Variants in KLF8 observed in about 807,000 individuals in gnomAD.
KLF8 encodes the protein KLF transcription factor 8.
KLF8 carries 10 observed loss-of-function variants against 18.2 expected under a neutral mutation model. The ratio of observed to expected loss-of-function variants is 0.55; its 90% CI spans 0.34 to 0.93. The LOEUF (loss-of-function observed/expected upper bound fraction) is 0.93. Ranked by LOEUF, KLF8 falls within the 40% of genes least tolerant of loss-of-function variation. KLF8 has a pLI of 0.02. For synonymous variants in KLF8, 109 were observed against 97.3 expected (o/e 1.12, Z -0.71); for missense variants, 264 against 277.9 (o/e 0.95, Z 0.36).
At chrX:56,188,407 G>C in the KLF8 span, among the ~76,000 whole-genome samples, 1 of 111,696 alleles carries the variant, frequency 9.0e-6, no homozygotes, top group African/African-American at 3.3e-5. Flanking sequence ...CATGATCATG[G>C]GTAGGAAGAA....
At chrX:56,031,584 C>A in the KLF8 span, among the ~76,000 whole-genome samples, 4 of 111,874 alleles carry the variant, frequency 3.6e-5, no homozygotes, top group East Asian at 5.6e-4. Context: ...TACCCGGGAG[C>A]GCTCTTTGGA....
At chrX:55,979,491 A>G in the KLF8 span, among the ~76,000 whole-genome samples, 1 of 112,108 alleles carries the variant, frequency 8.9e-6, no homozygotes, top group Non-Finnish European at 1.9e-5. Flanking sequence ...GGGAAATATA[A>G]AAAGGGAGGA....
the KLF8 span, among the ~76,000 whole-genome samples, chrX:56,163,046 A>G: frequency 8.9e-6 from 1 of 112,479 alleles, no homozygotes; most frequent in Non-Finnish European, 1.9e-5. Context: ...ATAGTGCTGC[A>G]GTAAACACAT....
chrX:55,913,069 T>C, the KLF8 span, among the ~76,000 whole-genome samples: 1 of 111,922 alleles, frequency 8.9e-6, no homozygotes, highest in Non-Finnish European at 1.9e-5. Flanking sequence ...TTCTTTGAAC[T>C]CATTTAAATT....
the KLF8 span, among the ~76,000 whole-genome samples, chrX:55,984,153 A>G: frequency 1.4e-3 from 156 of 109,705 alleles, 1 homozygote; most frequent in Middle Eastern, 0.019. Context: ...TCTGGGCTAC[A>G]TGTGCAGGAT....
the KLF8 span, among the ~76,000 whole-genome samples, chrX:56,173,353 G>C: frequency 8.9e-6 from 1 of 112,002 alleles, no homozygotes; most frequent in East Asian, 2.8e-4. Flanking sequence ...TTGTTAAATA[G>C]GGAATTGTTT....
chrX:56,057,728 G>A, the KLF8 span, among the ~76,000 whole-genome samples: 2 of 111,170 alleles, frequency 1.8e-5, no homozygotes, highest in Non-Finnish European at 3.8e-5. Flanking sequence ...GCAGAGTTAA[G>A]GTTCAATAGT....
chrX:56,201,329 G>C, the KLF8 span, among the ~76,000 whole-genome samples: 67 of 111,781 alleles, frequency 6.0e-4, no homozygotes, highest in African/African-American at 2.0e-3. Flanking sequence ...GGAGCTGGAG[G>C]ATAAGATGCT....
chrX:56,233,150 T>C lies in KLF8; in HGVS notation c.-185T>C. ...CCCTCCCCTTTCGACCCCCTCCTCA[T>C]TTTCCAGCCCGGAGAAATAGGGGAG... On this transcript the variant is annotated 5_prime_UTR_variant, in exon 1 of 6. Transcript: ENST00000468660. 5.9e-6 allele frequency: 3 copies of C among 509,520 alleles called. No homozygotes were observed. The highest frequency in any genetic ancestry group is 5.9e-5 in the Admixed American group (2 of 33,900). The allele number at this position is 509,520 out of a possible 1,213,427, so 42.0% of individuals were successfully genotyped here. A position where few individuals can be genotyped will look rare whatever the true frequency, so the allele number is the denominator to read the frequency against.
the KLF8 span, among the ~76,000 whole-genome samples, chrX:56,187,173 A>C: frequency 1.8e-5 from 2 of 111,936 alleles, no homozygotes; most frequent in Non-Finnish European, 3.8e-5. Flanking sequence ...AGACGCAATA[A>C]AAAATGATAA....
intron 1 of KLF8, among the ~76,000 whole-genome samples, chrX:56,235,880 C>T (rs180900388): frequency 8.9e-6 from 1 of 112,067 alleles, no homozygotes; most frequent in African/African-American, 3.2e-5. Context: ...GTTGCGGTCT[C>T]ATCATTTTTG....
At chrX:56,135,667 T>C in the KLF8 span, among the ~76,000 whole-genome samples, 1 of 110,442 alleles carries the variant, frequency 9.1e-6, no homozygotes, top group Non-Finnish European at 1.9e-5. Flanking sequence ...AACCTGCACA[T>C]TGTGCACATG....
the KLF8 span, among the ~76,000 whole-genome samples, chrX:56,058,013 G>A: frequency 1.3e-4 from 13 of 103,754 alleles, 1 homozygote; most frequent in East Asian, 4.1e-3. Context: ...AGTTACTGGC[G>A]GCCAGGAACA....
chrX:55,960,875 T>A, the KLF8 span, among the ~76,000 whole-genome samples: 2 of 111,292 alleles, frequency 1.8e-5, no homozygotes, highest in Non-Finnish European at 3.8e-5. Flanking sequence ...AATGCCCAAC[T>A]TAAAAGGCAC....
the KLF8 span, among the ~76,000 whole-genome samples, chrX:56,188,863 A>C: frequency 2.7e-5 from 3 of 112,302 alleles, no homozygotes; most frequent in Non-Finnish European, 5.6e-5. Context: ...TCATTCAAAA[A>C]TTAATTCAAG....
chrX:56,170,617 A>T, the KLF8 span, among the ~76,000 whole-genome samples: 2 of 110,229 alleles, frequency 1.8e-5, no homozygotes, highest in Non-Finnish European at 3.8e-5. Flanking sequence ...TACAGACAGG[A>T]CATTTAAAAA....
At chrX:55,938,143 A>G in the KLF8 span, among the ~76,000 whole-genome samples, 2 of 112,061 alleles carry the variant, frequency 1.8e-5, no homozygotes, top group Non-Finnish European at 3.8e-5. Context: ...GGTTACCCAC[A>G]AAGTGAAGCC....
chrX:56,076,646 G>A, the KLF8 span, among the ~76,000 whole-genome samples: 2 of 111,384 alleles, frequency 1.8e-5, no homozygotes, highest in Non-Finnish European at 3.8e-5. Flanking sequence ...AGTCCTTCGG[G>A]TATATACCCA....
At chrX:56,244,504 A>C (rs1298605165) in intron 1 of KLF8, among the ~76,000 whole-genome samples, 2 of 111,975 alleles carry the variant, frequency 1.8e-5, no homozygotes, top group African/African-American at 6.5e-5. Context: ...CTTCCTTTTT[A>C]AAATGAGGAA....
Sources: allele counts gnomAD v4.1 joint callset (sites outside exome capture counted in the v4.1 genomes callset), GRCh38; gene constraint gnomAD v4.1.1; transcripts MANE v1.5; gene names NCBI Gene and HGNC (gene_info 2026-07-23, HGNC 2026-07-21).